Variants in STAC3 observed in about 807,000 individuals in gnomAD.
The protein encoded by STAC3 is SH3 and cysteine rich domain 3.
A neutral mutation model predicts 48.5 loss-of-function variants in STAC3; 30 were observed. The ratio of observed to expected loss-of-function variants is 0.62; its 90% CI spans 0.46 to 0.84. The LOEUF (loss-of-function observed/expected upper bound fraction) is 0.84. Among genes scored for constraint, STAC3 ranks in the 40% least tolerant of loss-of-function variants. STAC3 has a pLI of 0.00. For missense variants in STAC3, 419 were observed against 462.6 expected (o/e 0.91, Z 0.86); for synonymous variants, 144 against 158.6 (o/e 0.91, Z 0.69).
Position 57,244,304 on chromosome 12 carries a change from A to T in STAC3, c.858+11T>A. 1 of 1,613,652 alleles carries T rather than the reference A, an allele frequency of 6.2e-7. No individual in the cohort carries two copies. The highest frequency in any genetic ancestry group is 8.5e-7 in the Non-Finnish European group (1 of 1,179,816). Reference sequence around the variant, plus strand: ...CCCACACTCCACCCTAGCCCTAGCCATTTCTCTCACCCGCCACCATTCTTC... The same window carrying T: ...CCCACACTCCACCCTAGCCCTAGCCTTTTCTCTCACCCGCCACCATTCTTC... On this transcript the variant is annotated intron_variant, in intron 10 of 11. Transcript: ENST00000332782.
Position 57,243,916 on chromosome 12 carries a change from A to C in STAC3, c.997-6T>G, listed in dbSNP as rs1565779607. 1 of 1,613,648 alleles carries C rather than the reference A, an allele frequency of 6.2e-7. No homozygotes were observed. The highest frequency in any genetic ancestry group is 1.3e-5 in the African/African-American group (1 of 75,040). ...TCTCCTTTCTGCACCACGATCTAGA[A>C]GATTAAAGGATCAGAAGTAGGAGAG... On this transcript the variant is annotated splice_region_variant and splice_polypyrimidine_tract_variant and intron_variant, in intron 11 of 11. Coordinates refer to ENST00000332782, the MANE Select transcript of STAC3 (RefSeq NM_145064.3).
At chr12:57,249,360 C>T in intron 2 of STAC3, 52 bp from the exon 3 acceptor site, 1 of 1,534,968 alleles carries the variant, frequency 6.5e-7, no homozygotes, top group Non-Finnish European at 8.7e-7. Context: ...GTCACCCTCT[C>T]TAGAGTAGGG....
Position 57,244,700 on chromosome 12 carries a change from T to G in STAC3, c.721-78A>C, listed in dbSNP as rs2037689275. On this transcript the variant is annotated intron_variant, in intron 8 of 11. Transcript: ENST00000332782. ...GGGCAGGATTCCAAGGCAGGGACAT[T>G]CACCACACACTCTACACTCCAACTC... is the stretch of plus-strand genomic sequence containing the variant. The G allele has an allele frequency of 1.1e-5, 17 of 1,535,588 alleles. No homozygotes were observed. In the South Asian group the frequency reaches 1.9e-4, roughly 17 times the overall value.
chr12:57,250,627 T>TC (rs2037879476), intron 1 of STAC3, among the ~76,000 whole-genome samples: 1 of 151,840 alleles, frequency 6.6e-6, no homozygotes, highest in Non-Finnish European at 1.5e-5. Flanking sequence ...CTTCAAGAGG[T>TC]TTAATGTGTG....
Position 57,245,174 on chromosome 12 carries a change from G to A in STAC3, c.641C>T (p.Ala214Val). Residue 214 changes from alanine to valine, a missense_variant, in exon 7 of 12, where the codon GCC becomes GTC. Physicochemically the swap from Ala to Val is moderately conservative, Grantham distance 64. Coordinates refer to ENST00000332782, the MANE Select transcript of STAC3 (RefSeq NM_145064.3). ...CTGGGGTTTGCCTTCCTCTGGTCTG[G>A]CCGACTCTGGCTCCTCCTCCATCAT... is the stretch of plus-strand genomic sequence containing the variant. Reference protein sequence around the residue: ...AAMMEEEPESARPEEGKPQDG... With the variant: ...AAMMEEEPESVRPEEGKPQDG... 3 of 1,614,064 alleles carry A rather than the reference G, an allele frequency of 1.9e-6. No individual in the cohort carries two copies. Among genetic ancestry groups the A allele is most frequent in the Non-Finnish European group, 2.5e-6 (3 of 1,180,012 alleles).
chr12:57,244,732 A>G, intron 8 of STAC3, 110 bp from the exon 9 acceptor site: 1 of 1,438,190 alleles, frequency 7.0e-7, no homozygotes, highest in Non-Finnish European at 9.7e-7. Flanking sequence ...ACTCTCTTCT[A>G]GGTCCCTGAA....
intron 1 of STAC3, among the ~76,000 whole-genome samples, chr12:57,250,465 A>C (rs2037875356): frequency 6.6e-6 from 1 of 150,464 alleles, no homozygotes; most frequent in African/African-American, 2.4e-5. Flanking sequence ...ACTGATACTC[A>C]TCCTTCCATC....
In STAC3 at chr12:57,243,814, A is replaced by T. The variant is rs970217448; in HGVS notation, c.1093T>A (p.Ter365LysextTer41). ...CCCGCTTGCAGGCGCCCGCACGCCTAAATTTCCTCTAGAAAGTCGGTGGGA... is the reference window on the plus strand; with the variant it reads ...CCCGCTTGCAGGCGCCCGCACGCCTTAATTTCCTCTAGAAAGTCGGTGGGA... ...LFPTDFLEEI[*>K] The change falls in exon 12 of 12, where the codon TAG becomes AAG. Residue 365 changes from the stop codon to lysine (K), a stop_lost. Transcript: ENST00000332782. The T allele has an allele frequency of 8.1e-6, 13 of 1,613,832 alleles. No homozygotes were observed. Among genetic ancestry groups the T allele is most frequent in the Non-Finnish European group, 3.4e-6 (4 of 1,179,956 alleles).
chr12:57,245,273 A>T, intron 6 of STAC3, 62 bp from the exon 7 acceptor site: 1 of 1,472,238 alleles, frequency 6.8e-7, no homozygotes, highest in Non-Finnish European at 9.5e-7. Flanking sequence ...GGCTGTCTAT[A>T]ATCAGGTCAG....
At chr12:57,245,664 C>T (rs958808769) in intron 6 of STAC3, among the ~76,000 whole-genome samples, 82 of 152,092 alleles carry the variant, frequency 5.4e-4, no homozygotes, top group Admixed American at 3.3e-3. Flanking sequence ...CCCACTGTGC[C>T]CGGCCATGCA....
chr12:57,250,241 T>A (rs952707096), intron 1 of STAC3, among the ~76,000 whole-genome samples: 3 of 151,430 alleles, frequency 2.0e-5, no homozygotes, highest in Non-Finnish European at 4.4e-5. Flanking sequence ...TATATAAAAA[T>A]TAGCCGGGTG....
chr12:57,248,323 G>T, intron 4 of STAC3, 125 bp from the exon 5 acceptor site: 1 of 807,232 alleles, frequency 1.2e-6, no homozygotes, highest in South Asian at 1.4e-5. Context: ...GCAGAGAAAT[G>T]AATGGGATGG....
At chr12:57,244,406 C>A (rs763725293) in intron 9 of STAC3, 40 bp from the exon 10 acceptor site, 2 of 1,612,344 alleles carry the variant, frequency 1.2e-6, no homozygotes, top group South Asian at 1.1e-5. Context: ...CATAGCAGGT[C>A]CCCTGCTGTG....
At chr12:57,250,456 C>T (rs1444986919) in intron 1 of STAC3, among the ~76,000 whole-genome samples, 1 of 138,966 alleles carries the variant, frequency 7.2e-6, no homozygotes, top group Non-Finnish European at 1.5e-5. Flanking sequence ...GTTCCTCAAA[C>T]TGATACTCAT....
At chr12:57,250,933 T>C (rs1445927725) in intron 1 of STAC3, 60 bp downstream of exon 1, 2 of 218,268 alleles carry the variant, frequency 9.2e-6, no homozygotes, top group Admixed American at 5.1e-5. Flanking sequence ...GAGTAGATTA[T>C]AGATCAGGGC....
At chr12:57,247,443 T>A (rs1289435046) in intron 5 of STAC3, among the ~76,000 whole-genome samples, 18 of 136,866 alleles carry the variant, frequency 1.3e-4, no homozygotes, top group African/African-American at 4.0e-4. Context: ...TTTTTTTTTT[T>A]TTTTTTTTGA....
intron 3 of STAC3, 84 bp from the exon 4 acceptor site, chr12:57,248,887 T>G: frequency 6.5e-7 from 1 of 1,532,658 alleles, no homozygotes; most frequent in Non-Finnish European, 9.0e-7. Context: ...AGGTTTCCTT[T>G]TCTGTCTGGG....
At position 57,245,265 on chromosome 12, in the gene STAC3, C is replaced by T. The variant is rs997846409; in HGVS notation, c.604-54G>A. On this transcript the variant is annotated intron_variant, in intron 6 of 11. Transcript: ENST00000332782. The stretch of plus-strand genomic sequence containing the variant: ...GCTGTCTTGGGAACACATGCCCTGG[C>T]TGTCTATAATCAGGTCAGAGAACTA... The T allele has an allele frequency of 4.6e-6, 7 of 1,522,694 alleles. No individual in the cohort carries two copies. The Admixed American group carries it at 1.2e-4, about 26-fold the overall frequency. The allele number at this position is 1,522,694 out of a possible 1,614,324, so 94.3% of individuals were successfully genotyped here. A position where few individuals can be genotyped will look rare whatever the true frequency, so the allele number is the denominator to read the frequency against.
intron 1 of STAC3, among the ~76,000 whole-genome samples, chr12:57,250,082 TG>T (rs1444333764): frequency 6.6e-6 from 1 of 152,094 alleles, no homozygotes; most frequent in Non-Finnish European, 1.5e-5. Context: ...ACAGATTTCA[TG>T]GAGGTCTAGA....
Sources: allele counts gnomAD v4.1 joint callset (sites outside exome capture counted in the v4.1 genomes callset), GRCh38; gene constraint gnomAD v4.1.1; transcripts MANE v1.5; gene names NCBI Gene and HGNC (gene_info 2026-07-23, HGNC 2026-07-21).